The following NRG2 variants were observed in gnomAD, a reference collection of about 807,000 sequenced individuals.
The protein encoded by NRG2 is neuregulin 2.
A neutral mutation model predicts 73.9 loss-of-function variants in NRG2; 27 were observed. That is an observed-to-expected ratio of 0.37 (90% CI 0.27 to 0.50). NRG2 has a LOEUF of 0.50. Ranked by LOEUF, NRG2 falls within the 20% of genes least tolerant of loss-of-function variation. NRG2 has a pLI of 0.96. For missense variants in NRG2, 1,126 were observed against 1,210.1 expected (o/e 0.93, Z 1.03); for synonymous variants, 532 against 541.0 (o/e 0.98, Z 0.23).
chr5:139,890,736 A>G (rs113341825), intron 1 of NRG2, among the ~76,000 whole-genome samples: 4,753 of 152,236 alleles, frequency 0.031, 111 homozygotes, highest in Non-Finnish European at 0.047. Context: ...TCTGAAGCAG[A>G]AGCTGTGAGT....
intron 1 of NRG2, among the ~76,000 whole-genome samples, chr5:139,978,649 A>C (rs1756554644): frequency 6.6e-6 from 1 of 152,244 alleles, no homozygotes; most frequent in Non-Finnish European, 1.5e-5. Flanking sequence ...GTATATTATA[A>C]ACATATAAAA....
At chr5:139,908,328 C>T (rs183455557) in intron 1 of NRG2, among the ~76,000 whole-genome samples, 2 of 152,148 alleles carry the variant, frequency 1.3e-5, no homozygotes, top group African/African-American at 4.8e-5. Context: ...ATAGTGGAGA[C>T]GAGGGAGTCA....
At chr5:139,857,298 C>A (rs776068407) in intron 5 of NRG2, among the ~76,000 whole-genome samples, 1 of 152,234 alleles carries the variant, frequency 6.6e-6, no homozygotes, top group African/African-American at 2.4e-5. Context: ...AACTCAGACT[C>A]AGACTTTGTA....
chr5:139,870,439 TC>T lies in NRG2; in HGVS notation c.1112+1281del, dbSNP rs1293217163. ...GTTACCATGTTGTTAGGTGGAGGGG[TC>T]TTGAAAAGTCCTGGCCTTCTCAGAC... On this transcript the variant is annotated intron_variant, in intron 4 of 9. Coordinates refer to ENST00000361474, the MANE Select transcript of NRG2 (RefSeq NM_004883.3). This position sits in a 1 kb window ranked among gnomAD's most constrained non-coding sequence, Gnocchi z 4.4. Among the ~76,000 whole-genome samples, 1 of 151,746 alleles carries T rather than the reference TC, an allele frequency of 6.6e-6. No homozygotes were observed. Among genetic ancestry groups the T allele is most frequent in the Non-Finnish European group, 1.5e-5 (1 of 67,918 alleles).
At chr5:140,005,671 C>T (rs1186794801) in intron 1 of NRG2, among the ~76,000 whole-genome samples, 2 of 152,192 alleles carry the variant, frequency 1.3e-5, no homozygotes, top group Non-Finnish European at 1.5e-5. Flanking sequence ...GGAGCCAATA[C>T]CTCAGCTACC....
chr5:139,887,530 G>A lies in NRG2; in HGVS notation c.701-19C>T, dbSNP rs908864528. On this transcript the variant is annotated intron_variant, in intron 1 of 9. Coordinates refer to ENST00000361474, the MANE Select transcript of NRG2 (RefSeq NM_004883.3). This position sits in a 1 kb window ranked among gnomAD's most constrained non-coding sequence, Gnocchi z 4.5. ...CGGGTGGCTGTGGGTTACAAGGCAG[G>A]TAGGTGAGCACGGTGGTGGTAGGGG... 5.0e-6 allele frequency: 8 copies of A among 1,612,808 alleles called. No homozygotes were observed. In the African/African-American group the frequency reaches 9.3e-5, roughly 19 times the overall value.
At chr5:140,020,814 C>A (rs1760162756) in intron 1 of NRG2, among the ~76,000 whole-genome samples, 1 of 152,214 alleles carries the variant, frequency 6.6e-6, no homozygotes, top group African/African-American at 2.4e-5. Context: ...TAGTTTATGT[C>A]ATCACATCCT....
At chr5:139,984,043 G>T (rs539317183) in intron 1 of NRG2, among the ~76,000 whole-genome samples, 183 of 152,206 alleles carry the variant, frequency 1.2e-3, no homozygotes, top group African/African-American at 4.0e-3. Context: ...AATAATGAAT[G>T]AACAGGTATT....
intron 1 of NRG2, among the ~76,000 whole-genome samples, chr5:139,977,254 A>G (rs1298077260): frequency 6.6e-6 from 1 of 152,194 alleles, no homozygotes. Context: ...GTTCTAAAAT[A>G]AAAAGTTTAT....
At chr5:139,875,503 C>T in intron 3 of NRG2, among the ~76,000 whole-genome samples, 1 of 152,098 alleles carries the variant, frequency 6.6e-6, no homozygotes, top group South Asian at 2.1e-4. Context: ...AAAAAAGTGC[C>T]CTGTGCTACC....
chr5:139,848,758 G>GC, intron 9 of NRG2, 61 bp from the exon 10 acceptor site: 2 of 718,196 alleles, frequency 2.8e-6, no homozygotes, highest in Non-Finnish European at 3.9e-6. Flanking sequence ...GGGAGGGGGG[G>GC]TTGGGGGTGG....
At chr5:139,970,143 C>T (rs745513277) in intron 1 of NRG2, among the ~76,000 whole-genome samples, 3 of 152,150 alleles carry the variant, frequency 2.0e-5, no homozygotes, top group Non-Finnish European at 4.4e-5. Context: ...TTTTGTATTA[C>T]AAGAAGGCCT....
intron 1 of NRG2, among the ~76,000 whole-genome samples, chr5:139,969,102 G>C (rs1377212098): frequency 6.6e-6 from 1 of 152,370 alleles, no homozygotes; most frequent in East Asian, 1.9e-4. Flanking sequence ...AGGGCTCAGA[G>C]GCCTTGCCAT....
intron 1 of NRG2, among the ~76,000 whole-genome samples, chr5:140,040,001 T>C (rs918408559): frequency 1.3e-5 from 2 of 152,228 alleles, no homozygotes; most frequent in African/African-American, 4.8e-5. Flanking sequence ...TTAGTTAGGA[T>C]GATTTTGTTT....
At chr5:139,849,740 C>A (rs950389974) in intron 9 of NRG2, among the ~76,000 whole-genome samples, 1 of 152,200 alleles carries the variant, frequency 6.6e-6, no homozygotes, top group African/African-American at 2.4e-5. Context: ...TTCCCACCGG[C>A]ACATCTGATT....
At chr5:139,929,837 T>C (rs572705369) in intron 1 of NRG2, among the ~76,000 whole-genome samples, 1 of 152,188 alleles carries the variant, frequency 6.6e-6, no homozygotes. Flanking sequence ...TCCCATCGGC[T>C]GCTGTGTCAC....
chr5:139,936,686 G>C (rs1306845925), intron 1 of NRG2, among the ~76,000 whole-genome samples: 1 of 151,844 alleles, frequency 6.6e-6, no homozygotes, highest in Non-Finnish European at 1.5e-5. Flanking sequence ...TACCAAAACT[G>C]GACAAAGACA....
intron 1 of NRG2, among the ~76,000 whole-genome samples, chr5:139,985,334 G>A (rs1440018752): frequency 6.7e-6 from 1 of 149,186 alleles, no homozygotes; most frequent in Non-Finnish European, 1.5e-5. Flanking sequence ...AGCAAGACTC[G>A]GTCTCAAAAA....
At chr5:139,964,114 A>G (rs1265224530) in intron 1 of NRG2, among the ~76,000 whole-genome samples, 1 of 152,114 alleles carries the variant, frequency 6.6e-6, no homozygotes, top group African/African-American at 2.4e-5. Flanking sequence ...TGGCAGGACC[A>G]TTGGTCACAA....
Sources: gnomAD v4.1 joint callset for allele counts (sites outside exome capture counted in the v4.1 genomes callset) on GRCh38, gnomAD v4.1.1 for gene constraint, Gnocchi (gnomAD v3.1) non-coding constraint, MANE v1.5 for transcripts, NCBI Gene and HGNC (gene_info 2026-07-23, HGNC 2026-07-21) for gene names.